WDR49: variants seen among roughly 807,000 people sequenced by gnomAD.
The protein encoded by WDR49 is cilia- and flagella-associated protein 337.
Under a neutral mutation model 119.5 loss-of-function variants are expected in WDR49, and 107 were observed. That is an observed-to-expected ratio of 0.90 (90% CI 0.77 to 1.05). The LOEUF (loss-of-function observed/expected upper bound fraction) is 1.05. Ranked by LOEUF, WDR49 falls within the 50% of genes least tolerant of loss-of-function variation. The pLI is 0.00. For synonymous variants in WDR49, 425 were observed against 418.8 expected (o/e 1.01, Z -0.18); for missense variants, 1,240 against 1,220.5 (o/e 1.02, Z -0.24).
intron 7 of WDR49, among the ~76,000 whole-genome samples, chr3:167,594,503 A>T (rs371505109): frequency 3.9e-5 from 6 of 152,212 alleles, no homozygotes; most frequent in African/African-American, 1.4e-4. Flanking sequence ...AGCATTCAAG[A>T]TGTGACCTGG....
intron 7 of WDR49, among the ~76,000 whole-genome samples, chr3:167,600,775 T>C (rs1715734283): frequency 6.6e-6 from 1 of 152,132 alleles, no homozygotes; most frequent in African/African-American, 2.4e-5. Context: ...TGCCAATTAA[T>C]AGAAGACAGG....
In WDR49 at chr3:167,615,443, TAAA is replaced by T. The variant is rs57991972; in HGVS notation, c.958+4983_958+4985del. Among the ~76,000 whole-genome samples the T allele has an allele frequency of 5.8e-3, 790 of 135,076 alleles. 3 individuals are homozygous for T. Among genetic ancestry groups the T allele is most frequent in the African/African-American group, 0.015 (555 of 37,046 alleles). 88.6% of individuals were successfully genotyped at this position (135,076 alleles called of 152,430 possible). A position where few individuals can be genotyped will look rare whatever the true frequency, so the allele number is the denominator to read the frequency against. ...GGACCACCACTCCCGGCTCTCCATT[TAAA>T]AAAAAAAAAAAAAAAAGAAAGAAAG... On this transcript the variant is annotated intron_variant, in intron 5 of 18. Coordinates refer to ENST00000682715, the MANE Select transcript of WDR49 (RefSeq NM_001366157.1).
intron 17 of WDR49, 139 bp downstream of exon 17, chr3:167,505,168 G>A: frequency 8.6e-7 from 1 of 1,158,576 alleles, no homozygotes; most frequent in Non-Finnish European, 1.1e-6. Flanking sequence ...TTTCTCCTTT[G>A]TTAAATGGGG....
intron 12 of WDR49, among the ~76,000 whole-genome samples, chr3:167,531,488 C>T (rs1216964461): frequency 3.3e-5 from 5 of 152,054 alleles, no homozygotes; most frequent in Non-Finnish European, 7.4e-5. Flanking sequence ...TTTCATGTTC[C>T]ATACACACTT....
At chr3:167,634,937 A>G (rs1369213602) in intron 2 of WDR49, among the ~76,000 whole-genome samples, 6 of 151,850 alleles carry the variant, frequency 4.0e-5, no homozygotes, top group Non-Finnish European at 8.8e-5. Flanking sequence ...ATATACATAC[A>G]TATCTTTCTA....
chr3:167,520,414 T>C (rs970119897), intron 16 of WDR49, among the ~76,000 whole-genome samples: 2 of 152,172 alleles, frequency 1.3e-5, no homozygotes, highest in African/African-American at 4.8e-5. Context: ...GGTAACTTTA[T>C]TTCTTCATCT....
intron 7 of WDR49, among the ~76,000 whole-genome samples, chr3:167,599,553 G>A (rs760313398): frequency 5.4e-4 from 82 of 152,134 alleles, no homozygotes; most frequent in Non-Finnish European, 8.5e-4. Context: ...TCATGGACCC[G>A]CTTGGTGCTC....
At chr3:167,609,245 C>G (rs1577274381) in intron 5 of WDR49, among the ~76,000 whole-genome samples, 1 of 152,062 alleles carries the variant, frequency 6.6e-6, no homozygotes, top group East Asian at 1.9e-4. Flanking sequence ...GATGAGCCCT[C>G]ATTGTACCTG....
intron 10 of WDR49, among the ~76,000 whole-genome samples, chr3:167,548,009 ATAATTTGAAAATGTGATAATTTTT>A (rs1393715001): frequency 1.3e-5 from 2 of 152,068 alleles, no homozygotes; most frequent in African/African-American, 4.8e-5. Context: ...GATTAAATGC[ATAATTTGAAAATGTGATAATTTTT>A]TAGAGAACAC....
intron 18 of WDR49, among the ~76,000 whole-genome samples, chr3:167,490,338 G>A (rs1751086924): frequency 1.3e-5 from 2 of 152,014 alleles, no homozygotes; most frequent in South Asian, 2.1e-4. Context: ...ATAATTTAGT[G>A]TTATGTAAAT....
chr3:167,573,034 T>C lies in WDR49; in HGVS notation c.1509+2884A>G, dbSNP rs1259735592. On this transcript the variant is annotated intron_variant, in intron 8 of 18. Transcript: ENST00000682715. ...TTGTTAAAATAAAGATTAAGGAATC[T>C]TAAGAAGTTAATAAGAAAAGGAGAT... Among the ~76,000 whole-genome samples, 4 of 152,124 alleles carry C rather than the reference T, an allele frequency of 2.6e-5. No individual in the cohort carries two copies. In the East Asian group the frequency reaches 7.7e-4, roughly 29 times the overall value.
chr3:167,522,013 G>GATAT (rs1553862496), intron 16 of WDR49, among the ~76,000 whole-genome samples: 38 of 119,338 alleles, frequency 3.2e-4, no homozygotes, highest in East Asian at 1.0e-3. Flanking sequence ...TAGATAGATA[G>GATAT]ATAGATTGTT....
intron 18 of WDR49, among the ~76,000 whole-genome samples, chr3:167,496,026 C>G (rs1324567346): frequency 6.6e-6 from 1 of 151,816 alleles, no homozygotes; most frequent in East Asian, 1.9e-4. Context: ...CACAAGCAGG[C>G]CCATATTTTA....
chr3:167,541,909 T>C (rs1711861954), intron 10 of WDR49, among the ~76,000 whole-genome samples: 1 of 151,666 alleles, frequency 6.6e-6, no homozygotes, highest in South Asian at 2.1e-4. Flanking sequence ...TATTCTTATA[T>C]CAGACAAAAC....
chr3:167,563,121 C>A (rs1056862780), intron 8 of WDR49, among the ~76,000 whole-genome samples: 1 of 152,098 alleles, frequency 6.6e-6, no homozygotes, highest in Non-Finnish European at 1.5e-5. Context: ...AATTGCAGCA[C>A]TTTGGAAGGC....
chr3:167,590,391 G>A (rs368833370), intron 7 of WDR49, among the ~76,000 whole-genome samples: 86 of 152,076 alleles, frequency 5.7e-4, no homozygotes, highest in Non-Finnish European at 1.0e-3. Flanking sequence ...GTCTGGTTTC[G>A]GTATCAGGGT....
intron 6 of WDR49, among the ~76,000 whole-genome samples, chr3:167,603,875 G>A (rs946455052): frequency 7.2e-5 from 11 of 151,970 alleles, no homozygotes; most frequent in African/African-American, 1.9e-4. Context: ...TACATTTTGC[G>A]GTTCTCTTGT....
intron 2 of WDR49, among the ~76,000 whole-genome samples, chr3:167,634,412 C>T (rs1461627380): frequency 6.6e-6 from 1 of 151,894 alleles, no homozygotes; most frequent in Non-Finnish European, 1.5e-5. Context: ...CTAATATACT[C>T]AGTATGTCCA....
At chr3:167,554,389 C>T (rs1003615054) in intron 10 of WDR49, among the ~76,000 whole-genome samples, 1 of 152,034 alleles carries the variant, frequency 6.6e-6, no homozygotes, top group Non-Finnish European at 1.5e-5. Context: ...ACTTTTGGAA[C>T]CTAGGAAGTG....
Sources: allele counts gnomAD v4.1 joint callset (sites outside exome capture counted in the v4.1 genomes callset), GRCh38; gene constraint gnomAD v4.1.1; transcripts MANE v1.5; gene names NCBI Gene and HGNC (gene_info 2026-07-23, HGNC 2026-07-21).